Variants in NSF observed in about 807,000 individuals in gnomAD.
The protein encoded by NSF is N-ethylmaleimide sensitive factor, vesicle fusing ATPase.
Under a neutral mutation model 50.3 loss-of-function variants are expected in NSF, and 14 were observed. The ratio of observed to expected loss-of-function variants is 0.28; its 90% CI spans 0.18 to 0.44. The LOEUF is 0.44. Among genes scored for constraint, NSF ranks in the 20% least tolerant of loss-of-function variants. The pLI is 1.00. For synonymous variants in NSF, 109 were observed against 175.7 expected, an observed-to-expected ratio of 0.62 and a Z score of 3.00; for missense variants, 218 against 504.3, an observed-to-expected ratio of 0.43 and a Z score of 5.44.
intron 17 of NSF, among the ~76,000 whole-genome samples, chr17:46,732,339 T>G (rs1412557207): frequency 3.3e-5 from 5 of 152,070 alleles, no homozygotes; most frequent in Admixed American, 6.6e-5. Flanking sequence ...TTCTCTTTTC[T>G]CCTTCCACCC....
At chr17:46,727,275 A>G (rs1352891696) in intron 16 of NSF, among the ~76,000 whole-genome samples, 3 of 152,230 alleles carry the variant, frequency 2.0e-5, no homozygotes, top group African/African-American at 4.8e-5. Context: ...CACTTAACTC[A>G]TAAGAAATAA....
chr17:46,749,714 T>C lies in NSF; in HGVS notation c.1909-59T>C. On this transcript the variant is annotated intron_variant, in intron 17 of 20. Transcript: ENST00000398238. ...TTTTGCAAATTGTGTTCAAGCTTAC[T>C]GTAGTTTCCTAATTAGTCTTATTAT... is the stretch of plus-strand genomic sequence containing the variant. The C allele has an allele frequency of 2.0e-6, 3 of 1,466,766 alleles. No individual in the cohort carries two copies. The South Asian group carries it at 4.3e-5, about 21-fold the overall frequency. The allele number at this position is 1,466,766 out of a possible 1,614,324, so 90.9% of individuals were successfully genotyped here.
intron 1 of NSF, among the ~76,000 whole-genome samples, chr17:46,612,130 C>G (rs2058022970): frequency 1.4e-5 from 1 of 70,036 alleles, no homozygotes; most frequent in South Asian, 5.1e-4. Context: ...ATGACAAGAT[C>G]TTCAACATCA....
At position 46,657,972 on chromosome 17, in the gene NSF, T is replaced by TA. The variant is rs1555670149; in HGVS notation, c.745+14713_745+14714insA. On this transcript the variant is annotated intron_variant, in intron 8 of 20. Transcript: ENST00000398238. ...TTTGTTTTTATTTTATTTTATTTAT[T>TA]TTTTTTTTTTTTGGCGGGGTGGGGT... Among the ~76,000 whole-genome samples the TA allele has an allele frequency of 4.3e-3, 69 of 16,064 alleles. 15 individuals carry two copies. Among genetic ancestry groups the TA allele is most frequent in the East Asian group, 0.034 (11 of 326 alleles). The allele number at this position is 16,064 out of a possible 152,430, so 10.5% of individuals were successfully genotyped here.
intron 14 of NSF, chr17:46,713,161 A>G (rs973118206): frequency 3.3e-5 from 5 of 152,260 alleles, no homozygotes; most frequent in Non-Finnish European, 5.9e-5. Flanking sequence ...TATGTATTAA[A>G]CTGTCAGATA....
intron 17 of NSF, among the ~76,000 whole-genome samples, chr17:46,730,910 A>G (rs2146300248): frequency 6.6e-6 from 1 of 152,302 alleles, no homozygotes; most frequent in East Asian, 1.9e-4. Context: ...AAGTCAGGTA[A>G]TGACAAGCGC....
intron 17 of NSF, among the ~76,000 whole-genome samples, chr17:46,735,806 G>T (rs185696112): frequency 2.6e-5 from 4 of 152,092 alleles, no homozygotes; most frequent in African/African-American, 9.7e-5. Context: ...TTAGCTCGAC[G>T]TGGTGGTGTG....
chr17:46,751,677 G>A, intron 19 of NSF, 61 bp downstream of exon 19: 1 of 954,236 alleles, frequency 1.0e-6, no homozygotes, highest in Non-Finnish European at 1.6e-6. Context: ...ACACCAAGAG[G>A]GTTCAGTATT....
chr17:46,755,281 T>C, intron 19 of NSF, 33 bp from the exon 20 acceptor site: 1 of 1,559,780 alleles, frequency 6.4e-7, no homozygotes, highest in South Asian at 1.1e-5. Flanking sequence ...GAAGGTACCA[T>C]TAACCCATCT....
chr17:46,722,108 C>G (rs2146283689), intron 15 of NSF: 1 of 1,611,808 alleles, frequency 6.2e-7, no homozygotes, highest in East Asian at 2.2e-5. Context: ...GATGGCCGGA[C>G]TCGAACTCGT....
In NSF at chr17:46,710,958, A is replaced by G. The variant is rs758331682; in HGVS notation, c.1471-5A>G. The G allele has an allele frequency of 1.9e-6, 3 of 1,582,526 alleles. No homozygotes were observed. Among genetic ancestry groups the G allele is most frequent in the South Asian group, 2.4e-5 (2 of 84,482 alleles). ...AAAATGCTTTAGACTCCTTTTTCTT[A>G]ATAGGCCTTTGGCACAAACCAAGAA... On this transcript the variant is annotated splice_polypyrimidine_tract_variant and splice_region_variant and intron_variant, in intron 13 of 20. Coordinates refer to ENST00000398238, the MANE Select transcript of NSF (RefSeq NM_006178.4).
chr17:46,695,063 G>A (rs1161030013), intron 12 of NSF, among the ~76,000 whole-genome samples: 2 of 93,176 alleles, frequency 2.1e-5, no homozygotes, highest in Non-Finnish European at 4.2e-5. Context: ...TGGCTAACAC[G>A]GTGAAACCCC....
intron 19 of NSF, among the ~76,000 whole-genome samples, chr17:46,753,161 G>C (rs1333097722): frequency 6.6e-6 from 1 of 152,070 alleles, no homozygotes; most frequent in Non-Finnish European, 1.5e-5. Context: ...GTGTTACTAG[G>C]TGTTACTAGG....
chr17:46,751,433 T>G, intron 18 of NSF, 70 bp from the exon 19 acceptor site: 1 of 1,071,560 alleles, frequency 9.3e-7, no homozygotes, highest in Non-Finnish European at 1.4e-6. Flanking sequence ...CTTTTAAAGG[T>G]AAATAGAATT....
rs77491291 is a variant in NSF, at chr17:46,742,185, C to T, written c.1909-7588C>T. On this transcript the variant is annotated intron_variant, in intron 17 of 20. Transcript: ENST00000398238. ...AAAAGAGATAAGCCAGACTTTGGCACGAAGCATACATGCCGTTCATTCTAG... is the reference window on the plus strand; with the variant it reads ...AAAAGAGATAAGCCAGACTTTGGCATGAAGCATACATGCCGTTCATTCTAG... Among the ~76,000 whole-genome samples the T allele has an allele frequency of 5.7e-4, 87 of 152,276 alleles. 1 individual carries two copies. The East Asian group carries it at 0.015, about 27-fold the overall frequency.
At chr17:46,744,178 T>C (rs1468581021) in intron 17 of NSF, among the ~76,000 whole-genome samples, 3 of 152,252 alleles carry the variant, frequency 2.0e-5, no homozygotes, top group Non-Finnish European at 2.9e-5. Flanking sequence ...TTTTCCCAGC[T>C]AAGTTGTAAC....
intron 8 of NSF, among the ~76,000 whole-genome samples, chr17:46,673,910 G>GGT (rs61565754): frequency 0.02 from 140 of 6,988 alleles, 55 homozygotes; most frequent in African/African-American, 0.033. Context: ...ATTCCATGGG[G>GGT]GTGTGTGTGT....
At chr17:46,716,230 A>G (rs200521553) in intron 15 of NSF, among the ~76,000 whole-genome samples, 2 of 150,522 alleles carry the variant, frequency 1.3e-5, no homozygotes, top group East Asian at 3.9e-4. Context: ...TATAAGTTCT[A>G]GTCTACCTCC....
At chr17:46,680,289 A>G (rs1280730025) in intron 9 of NSF, among the ~76,000 whole-genome samples, 1 of 151,866 alleles carries the variant, frequency 6.6e-6, no homozygotes, top group Admixed American at 6.5e-5. Context: ...AAAACAGACC[A>G]AGGAAACAAT....
Sources: gnomAD v4.1 joint callset for allele counts (sites outside exome capture counted in the v4.1 genomes callset) on GRCh38, gnomAD v4.1.1 for gene constraint, MANE v1.5 for transcripts, NCBI Gene and HGNC (gene_info 2026-07-23, HGNC 2026-07-21) for gene names.